The following SORCS1 variants were observed in gnomAD, a reference collection of about 807,000 sequenced individuals.
SORCS1 encodes VPS10 domain-containing receptor SorCS1.
SORCS1 carries 60 observed loss-of-function variants against 146.1 expected under a neutral mutation model. The ratio of observed to expected loss-of-function variants is 0.41; its 90% CI spans 0.33 to 0.51. The LOEUF (loss-of-function observed/expected upper bound fraction) is 0.51. Among genes scored for constraint, SORCS1 ranks in the 20% least tolerant of loss-of-function variants. SORCS1 has a pLI of 0.21. For missense variants in SORCS1, 1,352 were observed against 1,487.6 expected (o/e 0.91, Z 1.50); for synonymous variants, 637 against 584.0 (o/e 1.09, Z -1.31).
intron 10 of SORCS1, among the ~76,000 whole-genome samples, chr10:106,682,857 A>G (rs1564853547): frequency 1.3e-5 from 2 of 152,248 alleles, no homozygotes; most frequent in Non-Finnish European, 2.9e-5. Flanking sequence ...GAAAATGTAG[A>G]AATGTACACC....
intron 17 of SORCS1, among the ~76,000 whole-genome samples, chr10:106,663,527 G>A (rs1850895245): frequency 6.6e-6 from 1 of 152,182 alleles, no homozygotes; most frequent in Non-Finnish European, 1.5e-5. Flanking sequence ...TAAATGTATA[G>A]TGTCAGCATT....
intron 3 of SORCS1, among the ~76,000 whole-genome samples, chr10:106,806,732 G>A (rs981539085): frequency 7.9e-5 from 12 of 151,698 alleles, no homozygotes; most frequent in East Asian, 2.0e-4. Flanking sequence ...AGCCAGGATG[G>A]TCTCCACCTC....
intron 2 of SORCS1, among the ~76,000 whole-genome samples, chr10:106,854,580 C>G (rs12242718): frequency 0.052 from 7,812 of 151,440 alleles, 282 homozygotes; most frequent in African/African-American, 0.096. Flanking sequence ...GCATTTTATA[C>G]GAATTTATTT....
intron 18 of SORCS1, among the ~76,000 whole-genome samples, chr10:106,637,983 A>T (rs1848826696): frequency 6.6e-6 from 1 of 152,226 alleles, no homozygotes; most frequent in Admixed American, 6.5e-5. Flanking sequence ...GACAGGAGGA[A>T]TACTTAGCTT....
At chr10:107,055,325 G>A (rs1050907234) in intron 1 of SORCS1, among the ~76,000 whole-genome samples, 2 of 152,166 alleles carry the variant, frequency 1.3e-5, no homozygotes, top group African/African-American at 2.4e-5. Flanking sequence ...CAGAGATCTG[G>A]CACAGGGGAA....
chr10:106,707,803 G>GTC (rs140779011), intron 7 of SORCS1, among the ~76,000 whole-genome samples: 267 of 151,502 alleles, frequency 1.8e-3, no homozygotes, highest in Non-Finnish European at 3.1e-3. Context: ...GCACCACCAC[G>GTC]TCTCTCTCTC....
At chr10:106,926,517 T>C (rs1402347902) in intron 2 of SORCS1, among the ~76,000 whole-genome samples, 1 of 152,138 alleles carries the variant, frequency 6.6e-6, no homozygotes, top group Non-Finnish European at 1.5e-5. Context: ...GCTTAGCCAA[T>C]TATAAAGTTA....
rs139276047 is a variant in SORCS1, at chr10:107,035,416, C to T, written c.559-78836G>A. ...ACATGATTAAATGAGAGTACCTTCA[C>T]CTGAACCCCGCAGCTTAGTGCCCTA... On this transcript the variant is annotated intron_variant, in intron 1 of 25. Coordinates refer to ENST00000263054, the MANE Select transcript of SORCS1 (RefSeq NM_052918.5). Among the ~76,000 whole-genome samples, 19 of 152,238 alleles carry T rather than the reference C, an allele frequency of 1.2e-4. No individual in the cohort carries two copies. The East Asian group carries it at 2.7e-3, about 22-fold the overall frequency.
At chr10:106,597,313 A>T (rs1845963276) in intron 24 of SORCS1, 38 bp downstream of exon 24, 4 of 1,561,700 alleles carry the variant, frequency 2.6e-6, no homozygotes, top group Non-Finnish European at 3.5e-6. Context: ...TCCCTTTGCC[A>T]GAGCCACCAG....
At chr10:106,973,650 A>G (rs931154903) in intron 1 of SORCS1, among the ~76,000 whole-genome samples, 1 of 152,198 alleles carries the variant, frequency 6.6e-6, no homozygotes, top group Non-Finnish European at 1.5e-5. Context: ...TGAAAATTGA[A>G]CCTCTCCTTT....
At chr10:106,812,905 A>G (rs1239596533) in intron 3 of SORCS1, among the ~76,000 whole-genome samples, 1 of 152,126 alleles carries the variant, frequency 6.6e-6, no homozygotes, top group Non-Finnish European at 1.5e-5. Flanking sequence ...GAGCCCATGA[A>G]AAAAGCTGTA....
intron 2 of SORCS1, among the ~76,000 whole-genome samples, chr10:106,952,476 A>C (rs570775297): frequency 3.1e-4 from 47 of 151,454 alleles, no homozygotes; most frequent in Non-Finnish European, 6.0e-4. Context: ...GAGGTTTCCT[A>C]AACTCTTGAG....
intron 3 of SORCS1, among the ~76,000 whole-genome samples, chr10:106,808,291 T>C (rs1182361250): frequency 6.6e-6 from 1 of 152,214 alleles, no homozygotes; most frequent in Non-Finnish European, 1.5e-5. Flanking sequence ...GTGCTGGAAT[T>C]ACAGGCGTAA....
At chr10:106,689,186 G>A (rs563930075) in intron 9 of SORCS1, among the ~76,000 whole-genome samples, 14 of 152,138 alleles carry the variant, frequency 9.2e-5, no homozygotes, top group African/African-American at 3.4e-4. Flanking sequence ...CTATATGTTA[G>A]GTAAGAAGTA....
chr10:106,689,558 C>G (rs914606330), intron 9 of SORCS1, among the ~76,000 whole-genome samples: 1 of 152,126 alleles, frequency 6.6e-6, no homozygotes, highest in African/African-American at 2.4e-5. Context: ...CTTTATAACA[C>G]GAAAAATTTT....
At chr10:106,860,207 C>T (rs148669095) in intron 2 of SORCS1, among the ~76,000 whole-genome samples, 2 of 152,148 alleles carry the variant, frequency 1.3e-5, no homozygotes, top group East Asian at 3.8e-4. Context: ...TCTATAAATA[C>T]AGCTATGGAA....
chr10:106,768,580 T>C (rs190877291), intron 4 of SORCS1, among the ~76,000 whole-genome samples: 8 of 152,378 alleles, frequency 5.3e-5, no homozygotes, highest in Admixed American at 5.2e-4. Flanking sequence ...TCTATTGTTA[T>C]AATCAATAAT....
intron 2 of SORCS1, among the ~76,000 whole-genome samples, chr10:106,944,192 T>C (rs766251822): frequency 2.0e-5 from 3 of 152,354 alleles, no homozygotes; most frequent in South Asian, 2.1e-4. Context: ...TTTTTGTGTG[T>C]GAAATTCATA....
the SORCS1 span, among the ~76,000 whole-genome samples, chr10:107,177,926 CACTT>C: frequency 1.1e-4 from 16 of 152,090 alleles, no homozygotes; most frequent in Admixed American, 2.0e-4. Flanking sequence ...CACATGTTCT[CACTT>C]ATAAGTGGGA....
Sources: allele counts gnomAD v4.1 joint callset (sites outside exome capture counted in the v4.1 genomes callset), GRCh38; gene constraint gnomAD v4.1.1; transcripts MANE v1.5; gene names NCBI Gene and HGNC (gene_info 2026-07-23, HGNC 2026-07-21).